Variants in GABRB1 observed in about 807,000 individuals in gnomAD.
GABRB1 encodes gamma-aminobutyric acid type A receptor subunit beta1, also known as gamma-aminobutyric acid receptor subunit beta-1.
GABRB1 carries 17 observed loss-of-function variants against 51.6 expected under a neutral mutation model. That is an observed-to-expected ratio of 0.33 (90% CI 0.23 to 0.49). The LOEUF (loss-of-function observed/expected upper bound fraction) is 0.49, where lower values mean the gene tolerates loss of function less well. Among genes scored for constraint, GABRB1 ranks in the 20% least tolerant of loss-of-function variants. GABRB1 has a pLI of 0.99. For missense variants in GABRB1, 410 were observed against 600.6 expected (o/e 0.68, Z 3.32); for synonymous variants, 247 against 218.9 (o/e 1.13, Z -1.14).
intron 4 of GABRB1, among the ~76,000 whole-genome samples, chr4:47,172,147 T>C (rs1718465312): frequency 6.6e-6 from 1 of 152,206 alleles, no homozygotes; most frequent in African/African-American, 2.4e-5. Flanking sequence ...CATCCCATCA[T>C]CATTTTGGAA....
intron 4 of GABRB1, among the ~76,000 whole-genome samples, chr4:47,252,054 C>T (rs929024050): frequency 6.6e-6 from 1 of 151,946 alleles, no homozygotes; most frequent in Non-Finnish European, 1.5e-5. Context: ...TGGAGATATC[C>T]TTCTGGCTGT....
intron 3 of GABRB1, among the ~76,000 whole-genome samples, chr4:47,064,720 T>G (rs1299835551): frequency 1.3e-5 from 2 of 152,026 alleles, no homozygotes; most frequent in Non-Finnish European, 2.9e-5. Context: ...TGTGTACTTT[T>G]GTATTTGCTT....
rs116534732 is a variant in GABRB1 at position 47,302,823 on chromosome 4, G to A, written c.462-17304G>A. 2.8e-3 allele frequency among the ~76,000 whole-genome samples: 422 copies of A among 151,962 alleles called. 2 individuals carry two copies. Among genetic ancestry groups the A allele is most frequent in the African/African-American group, 9.5e-3 (395 of 41,500 alleles). ...GATTAATTAATTACTGGAGTTAATT[G>A]GAACATTCAGGTTCCAATTTCAGGT... On this transcript the variant is annotated intron_variant, in intron 4 of 8. Coordinates refer to ENST00000295454, the MANE Select transcript of GABRB1 (RefSeq NM_000812.4).
chr4:47,237,651 T>C (rs1721376227), intron 4 of GABRB1, among the ~76,000 whole-genome samples: 1 of 152,042 alleles, frequency 6.6e-6, no homozygotes, highest in Non-Finnish European at 1.5e-5. Flanking sequence ...TAAACACCTT[T>C]ACCTTTACCT....
At chr4:47,368,437 G>A (rs531262779) in intron 5 of GABRB1, among the ~76,000 whole-genome samples, 14 of 152,078 alleles carry the variant, frequency 9.2e-5, no homozygotes, top group Non-Finnish European at 1.6e-4. Context: ...ACAGGGGAGG[G>A]GAGGTGCTAC....
chr4:47,301,633 C>CA (rs11435118), intron 4 of GABRB1, among the ~76,000 whole-genome samples: 69,281 of 144,802 alleles, frequency 0.48, 17,412 homozygotes, highest in Non-Finnish European at 0.58. Context: ...GACTCTGTCT[C>CA]AAAAAAAAAA....
At chr4:47,038,811 G>A (rs904829084) in intron 3 of GABRB1, among the ~76,000 whole-genome samples, 2 of 152,168 alleles carry the variant, frequency 1.3e-5, no homozygotes, top group Non-Finnish European at 2.9e-5. Context: ...AATGTTTCCA[G>A]TTGGCTTAGG....
In GABRB1 at chr4:47,161,243, TCA is replaced by T; in HGVS notation, c.241-3_241-2del. ...TTTTTTTTTTTTTGCTTTCTTTATT[TCA>T]CAGGATTATACACTCACCATGTATT... is the stretch of plus-strand genomic sequence containing the variant. On this transcript the variant is annotated splice_polypyrimidine_tract_variant and splice_region_variant and intron_variant, in intron 3 of 8. Coordinates refer to ENST00000295454, the MANE Select transcript of GABRB1 (RefSeq NM_000812.4). The T allele has an allele frequency of 6.4e-7, 1 of 1,559,278 alleles. No individual in the cohort carries two copies. The highest frequency in any genetic ancestry group is 8.7e-7 in the Non-Finnish European group (1 of 1,149,468).
intron 1 of GABRB1, among the ~76,000 whole-genome samples, chr4:47,018,754 G>A (rs1008461986): frequency 6.6e-6 from 1 of 152,128 alleles, no homozygotes; most frequent in Non-Finnish European, 1.5e-5. Context: ...TCACTAAGTG[G>A]AAGTGGATCA....
At chr4:47,301,548 C>T (rs573343541) in intron 4 of GABRB1, among the ~76,000 whole-genome samples, 17 of 151,380 alleles carry the variant, frequency 1.1e-4, no homozygotes, top group Admixed American at 8.6e-4. Context: ...GTCAGGGGAT[C>T]GCTTGAGCCC....
At chr4:47,041,278 C>T (rs541719652) in intron 3 of GABRB1, among the ~76,000 whole-genome samples, 2 of 152,120 alleles carry the variant, frequency 1.3e-5, no homozygotes, top group South Asian at 4.1e-4. Flanking sequence ...TGATTCTAAA[C>T]AAGAATTCAA....
At chr4:47,082,590 T>C (rs934188664) in intron 3 of GABRB1, among the ~76,000 whole-genome samples, 1 of 152,142 alleles carries the variant, frequency 6.6e-6, no homozygotes, top group South Asian at 2.1e-4. Context: ...TAGAGGAAAA[T>C]TGGTACAGCA....
Position 47,425,825 on chromosome 4 carries a change from G to A in GABRB1, c.1232G>A (p.Arg411His), listed in dbSNP as rs867811295. ...SIQYRKPLSS[R>H]EAYGRALDRH... ...CAGTACCGCAAGCCCCTGAGCAGCCGCGAGGCCTACGGGCGCGCCCTGGAC... is the reference window on the plus strand; with the variant it reads ...CAGTACCGCAAGCCCCTGAGCAGCCACGAGGCCTACGGGCGCGCCCTGGAC... The change falls in exon 9 of 9, where the codon CGC becomes CAC. Residue 411 changes from arginine to histidine, a missense_variant. Physicochemically the swap from Arg to His is conservative, Grantham distance 29. This residue lies in a region of GABRB1 where 181 missense variants were observed against 195.6 expected (regional missense o/e 0.93). Coordinates refer to ENST00000295454, the MANE Select transcript of GABRB1 (RefSeq NM_000812.4). 1.2e-6 allele frequency: 2 copies of A among 1,614,046 alleles called. No homozygotes were observed. Among genetic ancestry groups the A allele is most frequent in the Non-Finnish European group, 1.7e-6 (2 of 1,179,994 alleles).
At chr4:47,216,877 G>T (rs1381274048) in intron 4 of GABRB1, among the ~76,000 whole-genome samples, 1 of 151,826 alleles carries the variant, frequency 6.6e-6, no homozygotes, top group Non-Finnish European at 1.5e-5. Flanking sequence ...TCACACATGT[G>T]TTTGAAAAGA....
chr4:47,293,620 A>C (rs1404779416), intron 4 of GABRB1, among the ~76,000 whole-genome samples: 2 of 152,236 alleles, frequency 1.3e-5, no homozygotes, highest in African/African-American at 4.8e-5. Flanking sequence ...TTGAACATTT[A>C]ATTAAGATAA....
chr4:47,153,486 A>AT (rs1453651350), intron 3 of GABRB1, among the ~76,000 whole-genome samples: 2 of 151,992 alleles, frequency 1.3e-5, no homozygotes, highest in African/African-American at 2.4e-5. Context: ...AGATTTTTAC[A>AT]TTTTTTTAAA....
chr4:47,343,516 C>A (rs1725979303), intron 5 of GABRB1, among the ~76,000 whole-genome samples: 1 of 152,116 alleles, frequency 6.6e-6, no homozygotes, highest in Non-Finnish European at 1.5e-5. Context: ...TTTTGATGAC[C>A]TTTCCAAATT....
At chr4:47,366,286 G>A (rs1227568735) in intron 5 of GABRB1, among the ~76,000 whole-genome samples, 4 of 152,136 alleles carry the variant, frequency 2.6e-5, no homozygotes, top group Non-Finnish European at 5.9e-5. Context: ...GCTAATCTCT[G>A]CCGGAAAATG....
In GABRB1 at chr4:47,009,103, A is replaced by G. The variant is rs554159797; in HGVS notation, c.-20+15177A>G. 1.2e-4 allele frequency among the ~76,000 whole-genome samples: 18 copies of G among 149,570 alleles called. 1 individual carries two copies. The South Asian group carries it at 2.3e-3, about 19-fold the overall frequency. ...ATGGTCTCCATCTCCTGACCTCATG[A>G]TCCACCCACCTCGGCCTCCCAAAGT... On this transcript the variant is annotated intron_variant, in intron 1 of 3. Coordinates refer to the GABRB1 transcript ENST00000513567.
Sources: gnomAD v4.1 joint callset for allele counts (sites outside exome capture counted in the v4.1 genomes callset) on GRCh38, gnomAD v4.1.1 for gene constraint, gnomAD v4.1.1 regional missense constraint, MANE v1.5 for transcripts, NCBI Gene and HGNC (gene_info 2026-07-23, HGNC 2026-07-21) for gene names.